CPPED1: variants seen among roughly 807,000 people sequenced by gnomAD.
CPPED1 encodes calcineurin like phosphoesterase domain containing 1.
Under a neutral mutation model 28.0 loss-of-function variants are expected in CPPED1, and 28 were observed. The observed-to-expected ratio is 1.00, with a 90% CI of 0.74 to 1.37. The LOEUF is 1.37. Among genes scored for constraint, CPPED1 ranks in the 40% most tolerant of loss-of-function variants. The probability of loss-of-function intolerance (pLI) is 0.00; values close to 1 mark genes in which losing one functional copy is unlikely to be tolerated. For missense variants in CPPED1, 504 were observed against 416.5 expected, an observed-to-expected ratio of 1.21 and a Z score of -1.83; for synonymous variants, 198 against 180.2, an observed-to-expected ratio of 1.10 and a Z score of -0.79.
chr16:12,766,159 G>T (rs1438585275), intron 2 of CPPED1, among the ~76,000 whole-genome samples: 2 of 151,746 alleles, frequency 1.3e-5, no homozygotes, highest in African/African-American at 4.9e-5. Context: ...AAGGGAGGCA[G>T]AGGCGGGTGC....
At chr16:12,758,996 C>T (rs1186900587) in intron 2 of CPPED1, among the ~76,000 whole-genome samples, 1 of 151,504 alleles carries the variant, frequency 6.6e-6, no homozygotes, top group Non-Finnish European at 1.5e-5. Flanking sequence ...GACCCCATCC[C>T]TACAAAAAAT....
At chr16:12,713,559 T>C (rs2080090818) in intron 2 of CPPED1, among the ~76,000 whole-genome samples, 1 of 151,878 alleles carries the variant, frequency 6.6e-6, no homozygotes, top group African/African-American at 2.4e-5. Flanking sequence ...AGAGACGGGG[T>C]TTCATCATAC....
intron 2 of CPPED1, among the ~76,000 whole-genome samples, chr16:12,740,096 G>A (rs541645616): frequency 6.6e-6 from 1 of 151,070 alleles, no homozygotes; most frequent in East Asian, 1.9e-4. Context: ...AGGAAAGGAA[G>A]GAAAGGAAGG....
chr16:12,706,558 A>G (rs1450125256), intron 2 of CPPED1, among the ~76,000 whole-genome samples: 345 of 10,150 alleles, frequency 0.034, 2 homozygotes, highest in Admixed American at 0.069. Context: ...TTTTCACCGA[A>G]AAAAAAAAAA....
intron 3 of CPPED1, among the ~76,000 whole-genome samples, chr16:12,673,258 C>T (rs908098200): frequency 4.6e-5 from 7 of 152,290 alleles, no homozygotes; most frequent in African/African-American, 1.4e-4. Flanking sequence ...TGTGGCTCTC[C>T]TGGGGTTTCA....
At chr16:12,795,723 G>T (rs2080623960) in intron 1 of CPPED1, among the ~76,000 whole-genome samples, 1 of 152,186 alleles carries the variant, frequency 6.6e-6, no homozygotes, top group South Asian at 2.1e-4. Flanking sequence ...GCAGTGGGTT[G>T]GACAGATACA....
chr16:12,726,937 G>C (rs541151001), intron 2 of CPPED1, among the ~76,000 whole-genome samples: 2 of 152,150 alleles, frequency 1.3e-5, no homozygotes, highest in African/African-American at 4.8e-5. Context: ...TGAATGGGAT[G>C]CTCACCATGC....
chr16:12,758,942 C>T (rs1209900426), intron 2 of CPPED1, among the ~76,000 whole-genome samples: 2 of 151,848 alleles, frequency 1.3e-5, no homozygotes, highest in Non-Finnish European at 2.9e-5. Context: ...GCAGGAGGAT[C>T]GCTTGAGCCC....
intron 2 of CPPED1, among the ~76,000 whole-genome samples, chr16:12,769,206 T>G (rs2080456185): frequency 6.6e-6 from 1 of 152,144 alleles, no homozygotes; most frequent in African/African-American, 2.4e-5. Context: ...AGTTATTAGC[T>G]CTGCTATTAG....
chr16:12,803,203 T>C (rs2080671138), intron 1 of CPPED1, among the ~76,000 whole-genome samples: 1 of 152,218 alleles, frequency 6.6e-6, no homozygotes, highest in East Asian at 1.9e-4. Flanking sequence ...ACTGCTCTGA[T>C]GGGGCAGTGT....
chr16:12,728,356 GA>G (rs1178366253), intron 2 of CPPED1, among the ~76,000 whole-genome samples: 1 of 151,984 alleles, frequency 6.6e-6, no homozygotes, highest in Non-Finnish European at 1.5e-5. Context: ...TATATTAATA[GA>G]AATAAAATAT....
chr16:12,719,900 T>C (rs1036426475), intron 2 of CPPED1, among the ~76,000 whole-genome samples: 3 of 151,786 alleles, frequency 2.0e-5, no homozygotes, highest in African/African-American at 4.8e-5. Flanking sequence ...CATGCCACTG[T>C]ACTCCAGCCT....
intron 2 of CPPED1, among the ~76,000 whole-genome samples, chr16:12,733,274 ATTTTTT>A (rs11463007): frequency 0.031 from 4,351 of 139,280 alleles, 135 homozygotes; most frequent in African/African-American, 0.085. Flanking sequence ...CGAATTAGGA[ATTTTTT>A]TTTTTTTTTT....
Position 12,709,958 on chromosome 16 carries a change from G to A in CPPED1, c.290-4909C>T, listed in dbSNP as rs907916357. On this transcript the variant is annotated intron_variant, in intron 2 of 3. Coordinates refer to ENST00000381774, the MANE Select transcript of CPPED1 (RefSeq NM_018340.3). This position sits in a 1 kb window ranked among gnomAD's most constrained non-coding sequence, Gnocchi z 4.4. Reference sequence around the variant, plus strand: ...GGGAAGGAAGGGAGGAAGGAAAGAAGGGAAGGAAGGCAAGGAAGGAAGGAA... The same window carrying A: ...GGGAAGGAAGGGAGGAAGGAAAGAAAGGAAGGAAGGCAAGGAAGGAAGGAA... Among the ~76,000 whole-genome samples the A allele has an allele frequency of 1.4e-5, 2 of 147,312 alleles. No homozygotes were observed. Among genetic ancestry groups the A allele is most frequent in the East Asian group, 2.0e-4 (1 of 4,982 alleles).
At chr16:12,725,872 T>C (rs1169599607) in intron 2 of CPPED1, among the ~76,000 whole-genome samples, 2 of 152,172 alleles carry the variant, frequency 1.3e-5, no homozygotes, top group Non-Finnish European at 2.9e-5. Flanking sequence ...TACCTAGCTG[T>C]GTGCTGTCTT....
intron 2 of CPPED1, among the ~76,000 whole-genome samples, chr16:12,765,345 C>A (rs1385864401): frequency 6.6e-6 from 1 of 152,206 alleles, no homozygotes; most frequent in Admixed American, 6.5e-5. Context: ...TTTAATTTTG[C>A]AGCTAACAGC....
chr16:12,759,326 G>C (rs1265342856), intron 2 of CPPED1: 2 of 152,242 alleles, frequency 1.3e-5, no homozygotes, highest in African/African-American at 4.8e-5. Context: ...ACAATGCTGG[G>C]ATCCCCGCCT....
intron 2 of CPPED1, among the ~76,000 whole-genome samples, chr16:12,707,409 G>T (rs1314963014): frequency 6.6e-6 from 1 of 152,124 alleles, no homozygotes; most frequent in African/African-American, 2.4e-5. Flanking sequence ...ATTTGAACTT[G>T]GTGGTCTGGC....
At chr16:12,775,422 CACT>C (rs1324513469) in intron 2 of CPPED1, among the ~76,000 whole-genome samples, 2 of 152,180 alleles carry the variant, frequency 1.3e-5, no homozygotes, top group Non-Finnish European at 2.9e-5. Context: ...TCCTCATCAT[CACT>C]ACTATAGGTT....
Sources: allele counts gnomAD v4.1 joint callset (sites outside exome capture counted in the v4.1 genomes callset), GRCh38; gene constraint gnomAD v4.1.1; non-coding constraint Gnocchi (gnomAD v3.1); transcripts MANE v1.5; gene names NCBI Gene and HGNC (gene_info 2026-07-23, HGNC 2026-07-21).